SUSD4: variants seen among roughly 807,000 people sequenced by gnomAD.
SUSD4 encodes the protein sushi domain-containing protein 4.
In SUSD4, 41 loss-of-function variants were observed where a neutral mutation model predicts 50.5. The observed-to-expected ratio is 0.81, with a 90% CI of 0.63 to 1.05. SUSD4 has a LOEUF of 1.05. Among genes scored for constraint, SUSD4 ranks in the 50% least tolerant of loss-of-function variants. SUSD4 has a pLI of 0.00. For missense variants in SUSD4, 580 were observed against 634.7 expected, an observed-to-expected ratio of 0.91 and a Z score of 0.93; for synonymous variants, 257 against 257.3, an observed-to-expected ratio of 1.00 and a Z score of 0.01.
intron 2 of SUSD4, among the ~76,000 whole-genome samples, chr1:223,319,415 G>A (rs1306099383): frequency 1.3e-5 from 2 of 151,322 alleles, no homozygotes; most frequent in Non-Finnish European, 2.9e-5. Flanking sequence ...TCTGACAAAG[G>A]GCTAATATCC....
chr1:223,351,225 A>T (rs17163828), intron 2 of SUSD4, among the ~76,000 whole-genome samples: 50,586 of 152,158 alleles, frequency 0.33, 8,520 homozygotes, highest in African/African-American at 0.4. Flanking sequence ...CAGGGCCCTT[A>T]TTTCCCCTCA....
chr1:223,272,826 G>C (rs1200140666), intron 3 of SUSD4, among the ~76,000 whole-genome samples: 1 of 152,182 alleles, frequency 6.6e-6, no homozygotes, highest in Non-Finnish European at 1.5e-5. Flanking sequence ...GAATTACAGA[G>C]CACTCACTCT....
intron 2 of SUSD4, among the ~76,000 whole-genome samples, chr1:223,298,974 A>T (rs192121597): frequency 6.6e-6 from 1 of 152,382 alleles, no homozygotes; most frequent in African/African-American, 2.4e-5. Flanking sequence ...CAGGGAATTA[A>T]GAATAAGTGG....
chr1:223,243,688 C>T (rs1206815745), intron 5 of SUSD4, among the ~76,000 whole-genome samples: 2 of 152,220 alleles, frequency 1.3e-5, no homozygotes, highest in Non-Finnish European at 2.9e-5. Flanking sequence ...CATCCAGGCC[C>T]CCATCGGCAC....
At chr1:223,311,280 AG>A (rs199963175) in intron 2 of SUSD4, among the ~76,000 whole-genome samples, 2,306 of 152,354 alleles carry the variant, frequency 0.015, 31 homozygotes, top group Non-Finnish European at 0.023. Flanking sequence ...TTGTGAAGAA[AG>A]GAAGTAAATC....
chr1:223,311,684 ATTGT>A (rs1190390308), intron 2 of SUSD4, among the ~76,000 whole-genome samples: 1 of 152,218 alleles, frequency 6.6e-6, no homozygotes, highest in East Asian at 1.9e-4. Flanking sequence ...CAGATTTTTT[ATTGT>A]TTGTTTTTCT....
intron 2 of SUSD4, among the ~76,000 whole-genome samples, chr1:223,340,803 C>G (rs1048742909): frequency 2.6e-5 from 4 of 152,178 alleles, no homozygotes; most frequent in Admixed American, 2.6e-4. Flanking sequence ...ATGTCAAAGG[C>G]TGCTGAACTC....
intron 5 of SUSD4, among the ~76,000 whole-genome samples, chr1:223,260,880 G>T (rs1310720220): frequency 2.0e-5 from 3 of 152,136 alleles, no homozygotes; most frequent in Non-Finnish European, 4.4e-5. Flanking sequence ...ATGAAGCCAG[G>T]TATCAACTAT....
At chr1:223,269,844 T>G (rs894431849) in intron 3 of SUSD4, among the ~76,000 whole-genome samples, 1 of 152,134 alleles carries the variant, frequency 6.6e-6, no homozygotes, top group Non-Finnish European at 1.5e-5. Context: ...AGAATAGTAC[T>G]AACAGGAACC....
chr1:223,293,192 G>T (rs1330857136), intron 2 of SUSD4, among the ~76,000 whole-genome samples: 1 of 152,120 alleles, frequency 6.6e-6, no homozygotes, highest in East Asian at 1.9e-4. Flanking sequence ...TATGGTAGGG[G>T]TGGCTGGGAA....
intron 2 of SUSD4, among the ~76,000 whole-genome samples, chr1:223,334,698 T>C (rs1667361399): frequency 6.6e-6 from 1 of 152,174 alleles, no homozygotes; most frequent in Non-Finnish European, 1.5e-5. Context: ...TTTTTTAAAA[T>C]TTTTTATTTC....
At chr1:223,351,232 C>T (rs1668349100) in intron 2 of SUSD4, among the ~76,000 whole-genome samples, 1 of 152,200 alleles carries the variant, frequency 6.6e-6, no homozygotes, top group Non-Finnish European at 1.5e-5. Flanking sequence ...CTTATTTCCC[C>T]TCATCTCTAG....
chr1:223,317,742 A>C (rs1244533494), intron 2 of SUSD4, among the ~76,000 whole-genome samples: 3 of 151,170 alleles, frequency 2.0e-5, no homozygotes, highest in Non-Finnish European at 2.9e-5. Context: ...TATTAAATCA[A>C]TGTCTCTCAT....
intron 2 of SUSD4, among the ~76,000 whole-genome samples, chr1:223,347,970 C>T (rs1000106631): frequency 6.6e-6 from 1 of 152,042 alleles, no homozygotes; most frequent in African/African-American, 2.4e-5. Flanking sequence ...CTTTCTGGGC[C>T]TTCATTTCCT....
chr1:223,295,748 T>G (rs1218955281), intron 2 of SUSD4, among the ~76,000 whole-genome samples: 1 of 151,230 alleles, frequency 6.6e-6, no homozygotes, highest in Non-Finnish European at 1.5e-5. Context: ...TTGGATTCAA[T>G]GTGGGAGAGA....
intron 2 of SUSD4, among the ~76,000 whole-genome samples, chr1:223,346,331 T>C (rs545715498): frequency 4.2e-4 from 64 of 152,036 alleles, no homozygotes; most frequent in African/African-American, 1.3e-3. Context: ...AAGAAGAAAA[T>C]AGTTTTCAAA....
At chr1:223,344,925 T>G (rs1354749030) in intron 2 of SUSD4, among the ~76,000 whole-genome samples, 2 of 152,218 alleles carry the variant, frequency 1.3e-5, no homozygotes, top group Non-Finnish European at 2.9e-5. Flanking sequence ...TCTGCAGAAA[T>G]AATCGAAACT....
At chr1:223,236,185 A>G (rs1034893442) in intron 5 of SUSD4, among the ~76,000 whole-genome samples, 13 of 152,214 alleles carry the variant, frequency 8.5e-5, no homozygotes, top group African/African-American at 3.1e-4. Flanking sequence ...GGAACATTTT[A>G]AAATCAGGTT....
intron 2 of SUSD4, among the ~76,000 whole-genome samples, chr1:223,361,909 T>C (rs1180064091): frequency 6.6e-6 from 1 of 152,246 alleles, no homozygotes; most frequent in African/African-American, 2.4e-5. Flanking sequence ...TTAGAGGCTG[T>C]GACCAGAGCC....
Sources: gnomAD v4.1 joint callset for allele counts (sites outside exome capture counted in the v4.1 genomes callset) on GRCh38, gnomAD v4.1.1 for gene constraint, MANE v1.5 for transcripts, NCBI Gene and HGNC (gene_info 2026-07-23, HGNC 2026-07-21) for gene names.